Variants in PPEF1 observed in about 807,000 individuals in gnomAD.
PPEF1 encodes protein phosphatase with EF-hand domain 1, also known as serine/threonine-protein phosphatase with EF-hands 1.
A neutral mutation model predicts 53.3 loss-of-function variants in PPEF1; 12 were observed. The observed-to-expected ratio is 0.23, with a 90% CI of 0.14 to 0.36. The LOEUF is 0.36. Ranked by LOEUF, PPEF1 falls within the 10% of genes least tolerant of loss-of-function variation. The probability of loss-of-function intolerance (pLI) is 1.00; values close to 1 mark genes in which losing one functional copy is unlikely to be tolerated. For synonymous variants in PPEF1, 165 were observed against 176.7 expected, an observed-to-expected ratio of 0.93 and a Z score of 0.52; for missense variants, 334 against 490.4, an observed-to-expected ratio of 0.68 and a Z score of 3.01.
intron 3 of PPEF1, among the ~76,000 whole-genome samples, chrX:18,745,977 ATTG>A (rs2045321477): frequency 8.9e-6 from 1 of 112,100 alleles, no homozygotes; most frequent in South Asian, 3.6e-4. Context: ...AGAGGCAGAA[ATTG>A]TTGTATAAAA....
intron 1 of PPEF1, among the ~76,000 whole-genome samples, chrX:18,714,609 G>A (rs1475113955): frequency 8.9e-6 from 1 of 112,097 alleles, no homozygotes; most frequent in African/African-American, 3.2e-5. Context: ...TGGCAGAGTT[G>A]GGATTTGAAT....
At position 18,749,887 on chromosome X, in the gene PPEF1, C is replaced by T; in HGVS notation, c.331C>T (p.Arg111Trp). 1 of 1,203,526 alleles carries T rather than the reference C, an allele frequency of 8.3e-7. No individual in the cohort carries two copies. Among genetic ancestry groups the T allele is most frequent in the Non-Finnish European group, 1.1e-6 (1 of 889,256 alleles). Reference sequence around the variant, plus strand: ...TGTCCCAGACTCCTATAATGGTCCTCGGCTACAATTTCCTCTCACTTGTAC... The same window carrying T: ...TGTCCCAGACTCCTATAATGGTCCTTGGCTACAATTTCCTCTCACTTGTAC... ...IDVPDSYNGP[R>W]LQFPLTCTDI... is the part of the protein sequence containing the mutation. The change falls in exon 4 of 16, where the codon CGG (arginine) becomes TGG (tryptophan). Residue 111 changes from arginine (R) to tryptophan (W), a missense_variant. Arg to Trp is a moderately radical substitution (Grantham distance 101). Transcript: ENST00000470157.
intron 3 of PPEF1, among the ~76,000 whole-genome samples, chrX:18,741,836 C>A (rs1355820257): frequency 1.1e-5 from 1 of 91,919 alleles, no homozygotes; most frequent in Non-Finnish European, 2.1e-5. Flanking sequence ...CAGAGTCTTG[C>A]TCTGTCACCC....
chrX:18,786,120 A>G (rs759856837), intron 9 of PPEF1, among the ~76,000 whole-genome samples: 29 of 112,428 alleles, frequency 2.6e-4, no homozygotes, highest in African/African-American at 7.4e-4. Flanking sequence ...CACCTGCCCT[A>G]TGACTACAGT....
chrX:18,769,419 A>T lies in PPEF1; in HGVS notation c.558+7843A>T, dbSNP rs1255322919. Among the ~76,000 whole-genome samples, 14 of 112,021 alleles carry T rather than the reference A, an allele frequency of 1.2e-4. 1 individual carries two copies. The highest frequency in any genetic ancestry group is 8.3e-4 in the East Asian group (3 of 3,593). ...GCCTCAGCTTTAGTAAAATTACAAG[A>T]CATTTTTCCCTCATTGAATAGAAAG... On this transcript the variant is annotated intron_variant, in intron 6 of 15. Transcript: ENST00000470157.
chrX:18,705,469 T>C (rs920889493), upstream of PPEF1, among the ~76,000 whole-genome samples: 8 of 112,321 alleles, frequency 7.1e-5, no homozygotes, highest in African/African-American at 2.6e-4. Flanking sequence ...ATCCCAGCAC[T>C]TTGGGAGGCT....
chrX:18,806,221 T>G (rs991652853), intron 11 of PPEF1, among the ~76,000 whole-genome samples, 182 bp from the exon 12 acceptor site: 3 of 111,491 alleles, frequency 2.7e-5, no homozygotes, highest in African/African-American at 9.8e-5. Flanking sequence ...CTGGGGACAC[T>G]GGGTAGTAGC....
At chrX:18,796,017 G>A (rs1288647869) in intron 10 of PPEF1, among the ~76,000 whole-genome samples, 1 of 112,032 alleles carries the variant, frequency 8.9e-6, no homozygotes, top group Non-Finnish European at 1.9e-5. Flanking sequence ...GTGCAGTGGC[G>A]CAATCTCAGC....
At chrX:18,691,934 T>C (rs1929413739) in intron 4 of PPEF1, among the ~76,000 whole-genome samples, 1 of 112,015 alleles carries the variant, frequency 8.9e-6, no homozygotes. Context: ...CTCCTTGGCC[T>C]CTTACTTTCC....
chrX:18,726,399 G>A (rs754395808), intron 1 of PPEF1, among the ~76,000 whole-genome samples: 3 of 95,591 alleles, frequency 3.1e-5, no homozygotes, highest in Non-Finnish European at 4.3e-5. Context: ...AATAAATGGC[G>A]GCCATTATTA....
At chrX:18,701,877 G>A (rs1227554289) in intron 6 of PPEF1, among the ~76,000 whole-genome samples, 2 of 112,324 alleles carry the variant, frequency 1.8e-5, no homozygotes, top group Admixed American at 1.9e-4. Flanking sequence ...ACCAGGCCAC[G>A]CTGTTTCCTG....
At chrX:18,783,065 T>A (rs769192747) in intron 8 of PPEF1, among the ~76,000 whole-genome samples, 21 of 99,552 alleles carry the variant, frequency 2.1e-4, no homozygotes, top group African/African-American at 8.0e-4. Flanking sequence ...TGAGCCGAGG[T>A]CGTGCCACTG....
intron 6 of PPEF1, among the ~76,000 whole-genome samples, chrX:18,766,065 CAAAAA>C (rs61277288): frequency 3.1e-5 from 2 of 63,982 alleles, no homozygotes; most frequent in African/African-American, 1.2e-4. Flanking sequence ...AACTCTGTCT[CAAAAA>C]AAAAAAAAAA....
intron 5 of PPEF1, among the ~76,000 whole-genome samples, chrX:18,758,798 C>A (rs1300177807): frequency 9.0e-6 from 1 of 111,124 alleles, no homozygotes; most frequent in East Asian, 2.8e-4. Context: ...TAGAATAGCC[C>A]AAACTGAGAA....
chrX:18,825,911 A>C, intron 15 of PPEF1, 76 bp downstream of exon 15: 1 of 699,690 alleles, frequency 1.4e-6, no homozygotes, highest in South Asian at 3.1e-5. Context: ...AAATGAGTAC[A>C]CTTTGATTGA....
intron 4 of PPEF1, among the ~76,000 whole-genome samples, chrX:18,755,437 C>T (rs2045526811): frequency 1.8e-5 from 2 of 111,266 alleles, no homozygotes; most frequent in African/African-American, 3.3e-5. Flanking sequence ...CATGGTGGCA[C>T]GTGCCTGTAG....
chrX:18,800,902 A>G (rs2046533741), intron 10 of PPEF1, among the ~76,000 whole-genome samples: 1 of 111,596 alleles, frequency 9.0e-6, no homozygotes, highest in Admixed American at 9.6e-5. Context: ...AATTTTGGCT[A>G]TAAATGATTT....
chrX:18,717,099 A>G (rs1443602150), intron 1 of PPEF1, among the ~76,000 whole-genome samples: 1 of 76,055 alleles, frequency 1.3e-5, no homozygotes. Context: ...ATATATATAT[A>G]TATTTTTTTC....
At chrX:18,736,523 C>T (rs1266412735) in intron 3 of PPEF1, among the ~76,000 whole-genome samples, 9 of 111,593 alleles carry the variant, frequency 8.1e-5, no homozygotes, top group East Asian at 2.8e-4. Context: ...CTGCTGGATT[C>T]GGTTTGCCAG....
Sources: gnomAD v4.1 joint callset for allele counts (sites outside exome capture counted in the v4.1 genomes callset) on GRCh38, gnomAD v4.1.1 for gene constraint, MANE v1.5 for transcripts, NCBI Gene and HGNC (gene_info 2026-07-23, HGNC 2026-07-21) for gene names.